The following AMMECR1 variants were observed in gnomAD, a reference collection of about 807,000 sequenced individuals.
AMMECR1 encodes the protein AMMECR nuclear protein 1.
A neutral mutation model predicts 22.5 loss-of-function variants in AMMECR1; 3 were observed. The ratio of observed to expected loss-of-function variants is 0.13; its 90% CI spans 0.06 to 0.35. AMMECR1 has a LOEUF of 0.35. AMMECR1 is among the 10% of genes least tolerant of loss of function. The pLI, the probability that AMMECR1 is intolerant of heterozygous loss-of-function variation, is 1.00. For missense variants in AMMECR1, 235 were observed against 278.7 expected, an observed-to-expected ratio of 0.84 and a Z score of 1.12; for synonymous variants, 130 against 116.7, an observed-to-expected ratio of 1.11 and a Z score of -0.74.
At chrX:110,383,935 C>A (rs2068437239) in intron 2 of AMMECR1, among the ~76,000 whole-genome samples, 1 of 111,942 alleles carries the variant, frequency 8.9e-6, no homozygotes, top group Non-Finnish European at 1.9e-5. Flanking sequence ...ATTACTTCGC[C>A]TTTCTTTGCT....
At chrX:110,438,153 T>C (rs2068852763) in intron 1 of AMMECR1, among the ~76,000 whole-genome samples, 1 of 111,537 alleles carries the variant, frequency 9.0e-6, no homozygotes, top group African/African-American at 3.3e-5. Flanking sequence ...TAGAATGATT[T>C]CATGTTCCTC....
chrX:110,242,758 A>C (rs899320814), intron 2 of AMMECR1, among the ~76,000 whole-genome samples: 3 of 112,151 alleles, frequency 2.7e-5, no homozygotes, highest in Non-Finnish European at 5.6e-5. Context: ...CAGTTAGGTA[A>C]CATTTTTCTA....
At chrX:110,237,379 G>A (rs2067607107) in intron 2 of AMMECR1, among the ~76,000 whole-genome samples, 3 of 110,755 alleles carry the variant, frequency 2.7e-5, no homozygotes, top group African/African-American at 9.9e-5. Context: ...TGGAGGACTT[G>A]TTGAAAATCA....
intron 1 of AMMECR1, among the ~76,000 whole-genome samples, chrX:110,434,681 C>T (rs2068823312): frequency 9.0e-6 from 1 of 111,482 alleles, no homozygotes; most frequent in African/African-American, 3.3e-5. Flanking sequence ...TCTGTTTGGA[C>T]TTGCTGGGTT....
rs748684867 is a variant in AMMECR1 at position 110,196,273 on chromosome X, C to T, written c.*2247G>A. 9.0e-6 allele frequency: 1 copy of T among 111,401 alleles called. No individual in the cohort carries two copies. The highest frequency in any genetic ancestry group is 9.5e-5 in the Admixed American group (1 of 10,531). The allele number at this position is 111,401 out of a possible 1,213,427, so 9.2% of individuals were successfully genotyped here. ...CTTCTAACCATAAGCTCACCCAGGA[C>T]GAGGAGCCTGTTGAACCGATGAGAT... On this transcript the variant is annotated 3_prime_UTR_variant, in exon 6 of 6. Coordinates refer to ENST00000262844, the MANE Select transcript of AMMECR1 (RefSeq NM_015365.3).
chrX:110,325,841 T>C (rs1399369625), intron 2 of AMMECR1, among the ~76,000 whole-genome samples: 1 of 112,282 alleles, frequency 8.9e-6, no homozygotes, highest in African/African-American at 3.2e-5. Flanking sequence ...TCATCTGGCT[T>C]CTGAAATGGC....
At chrX:110,290,220 G>C (rs2067900568) in intron 1 of AMMECR1, among the ~76,000 whole-genome samples, 1 of 111,756 alleles carries the variant, frequency 8.9e-6, no homozygotes, top group Non-Finnish European at 1.9e-5. Flanking sequence ...TGCTAGCAAA[G>C]CAATTCTCAC....
At chrX:110,407,077 T>G (rs1416053927) in intron 2 of AMMECR1, among the ~76,000 whole-genome samples, 1 of 111,855 alleles carries the variant, frequency 8.9e-6, no homozygotes, top group African/African-American at 3.3e-5. Context: ...CTTTAGGTGA[T>G]TAACAATGCC....
chrX:110,329,130 T>C (rs2068110532), intron 2 of AMMECR1, among the ~76,000 whole-genome samples: 1 of 112,470 alleles, frequency 8.9e-6, no homozygotes, highest in South Asian at 3.7e-4. Flanking sequence ...GCATCTGTTG[T>C]TTCCTGACTT....
chrX:110,398,234 G>C (rs1264245528), intron 2 of AMMECR1, among the ~76,000 whole-genome samples: 1 of 112,060 alleles, frequency 8.9e-6, no homozygotes, highest in Admixed American at 9.4e-5. Flanking sequence ...AGGTGAACCC[G>C]CTGGCACCAC....
At chrX:110,237,175 G>C (rs2067605933) in intron 2 of AMMECR1, among the ~76,000 whole-genome samples, 1 of 111,384 alleles carries the variant, frequency 9.0e-6, no homozygotes, top group African/African-American at 3.3e-5. Flanking sequence ...AACATCTTAT[G>C]AACTGGATGA....
intron 2 of AMMECR1, among the ~76,000 whole-genome samples, chrX:110,412,524 T>C (rs1022261512): frequency 8.9e-6 from 1 of 112,121 alleles, no homozygotes; most frequent in African/African-American, 3.2e-5. Flanking sequence ...GTTTCTAACC[T>C]CTCTGTGCCG....
chrX:110,339,658 G>C (rs1042909590), intron 2 of AMMECR1, among the ~76,000 whole-genome samples: 1 of 109,415 alleles, frequency 9.1e-6, no homozygotes, highest in Non-Finnish European at 1.9e-5. Context: ...CACCACGCCC[G>C]GCTAATTTTG....
chrX:110,272,057 T>C (rs904535793), intron 1 of AMMECR1, among the ~76,000 whole-genome samples: 6 of 109,200 alleles, frequency 5.5e-5, no homozygotes, highest in Admixed American at 3.9e-4. Context: ...CTACTAAAAA[T>C]ACAAAAAAAT....
At chrX:110,311,486 ATAATG>A (rs2068023026) in intron 1 of AMMECR1, among the ~76,000 whole-genome samples, 2 of 111,606 alleles carry the variant, frequency 1.8e-5, no homozygotes, top group Admixed American at 1.9e-4. Context: ...GAAACTCAGG[ATAATG>A]TATATTTTTT....
At chrX:110,391,971 A>C (rs1162066324) in intron 2 of AMMECR1, among the ~76,000 whole-genome samples, 1 of 112,591 alleles carries the variant, frequency 8.9e-6, no homozygotes, top group Non-Finnish European at 1.9e-5. Context: ...TCTGTTCAAA[A>C]GGGAAAACAT....
intron 1 of AMMECR1, among the ~76,000 whole-genome samples, chrX:110,313,178 T>C (rs1024972167): frequency 2.7e-5 from 3 of 112,037 alleles, no homozygotes; most frequent in Non-Finnish European, 3.8e-5. Context: ...TTGACTACGG[T>C]GGCAAGACGA....
At chrX:110,364,922 C>T (rs754252332) in intron 2 of AMMECR1, among the ~76,000 whole-genome samples, 36 of 112,127 alleles carry the variant, frequency 3.2e-4, no homozygotes, top group Non-Finnish European at 5.6e-4. Flanking sequence ...CAGCTCCCTG[C>T]ATCAGGTCAC....
intron 2 of AMMECR1, among the ~76,000 whole-genome samples, chrX:110,239,477 A>T (rs1164845160): frequency 9.0e-6 from 1 of 111,477 alleles, no homozygotes; most frequent in Non-Finnish European, 1.9e-5. Context: ...AATGAAGTAA[A>T]GCATGAAGAC....
Sources: allele counts gnomAD v4.1 joint callset (sites outside exome capture counted in the v4.1 genomes callset), GRCh38; gene constraint gnomAD v4.1.1; transcripts MANE v1.5; gene names NCBI Gene and HGNC (gene_info 2026-07-23, HGNC 2026-07-21).